PRKCB: variants seen among roughly 807,000 people sequenced by gnomAD.
PRKCB encodes the protein protein kinase C beta type.
A neutral mutation model predicts 81.5 loss-of-function variants in PRKCB; 13 were observed. That is an observed-to-expected ratio of 0.16 (90% CI 0.10 to 0.25). The LOEUF (loss-of-function observed/expected upper bound fraction) is 0.25. Among genes scored for constraint, PRKCB ranks in the 10% least tolerant of loss-of-function variants. The pLI is 1.00. For synonymous variants in PRKCB, 335 were observed against 321.4 expected, an observed-to-expected ratio of 1.04 and a Z score of -0.45; for missense variants, 509 against 875.7, an observed-to-expected ratio of 0.58 and a Z score of 5.29.
intron 9 of PRKCB, among the ~76,000 whole-genome samples, chr16:24,148,859 T>G (rs957557473): frequency 5.3e-5 from 8 of 152,210 alleles, no homozygotes; most frequent in African/African-American, 1.9e-4. Flanking sequence ...CCTATAATAT[T>G]TCCTGCTTGG....
Position 24,218,078 on chromosome 16 carries a change from C to G in PRKCB, c.*3262C>G. On this transcript the variant is annotated 3_prime_UTR_variant, in exon 17 of 17. Transcript: ENST00000643927. Reference sequence around the variant, plus strand: ...ACTGTGTGCCAGGCACTATTCTTAGCACTGGAAATACACTAGTGAAGAAGC... The same window carrying G: ...ACTGTGTGCCAGGCACTATTCTTAGGACTGGAAATACACTAGTGAAGAAGC... The G allele has an allele frequency of 1.0e-6, 1 of 985,024 alleles. No individual in the cohort carries two copies. The highest frequency in any genetic ancestry group is 1.2e-6 in the Non-Finnish European group (1 of 829,636). 61.0% of individuals were successfully genotyped at this position (985,024 alleles called of 1,614,324 possible).
At chr16:24,075,716 G>C (rs1596538059) in intron 5 of PRKCB, among the ~76,000 whole-genome samples, 2 of 152,206 alleles carry the variant, frequency 1.3e-5, no homozygotes, top group East Asian at 3.8e-4. Context: ...TAGTTGCAAG[G>C]AAGTGGGTCA....
intron 2 of PRKCB, among the ~76,000 whole-genome samples, chr16:23,926,738 A>G (rs1275305692): frequency 6.6e-6 from 1 of 151,570 alleles, no homozygotes; most frequent in African/African-American, 2.4e-5. Context: ...GCTTAAGTTG[A>G]TTCCATATCT....
At chr16:24,191,036 T>G (rs1226086087) in intron 15 of PRKCB, 54 bp from the exon 16 acceptor site, 1 of 1,578,786 alleles carries the variant, frequency 6.3e-7, no homozygotes, top group Middle Eastern at 1.7e-4. Context: ...TCTGAGTGTC[T>G]TACATTTCCT....
At chr16:23,849,356 C>T (rs969638836) in intron 2 of PRKCB, among the ~76,000 whole-genome samples, 4 of 152,064 alleles carry the variant, frequency 2.6e-5, no homozygotes, top group African/African-American at 9.7e-5. Flanking sequence ...GAAGGACGGT[C>T]GCTTGTCTCA....
At chr16:24,030,823 A>G (rs529201027) in intron 3 of PRKCB, among the ~76,000 whole-genome samples, 2 of 151,986 alleles carry the variant, frequency 1.3e-5, no homozygotes, top group East Asian at 1.9e-4. Flanking sequence ...ACTTGAACCC[A>G]GGAGACAGAG....
At chr16:24,160,837 C>T (rs1002440334) in intron 10 of PRKCB, among the ~76,000 whole-genome samples, 6 of 151,988 alleles carry the variant, frequency 3.9e-5, no homozygotes, top group Non-Finnish European at 7.4e-5. Context: ...AGCAAGGGAG[C>T]GGGGCATGTG....
chr16:24,138,287 G>C (rs373175821), intron 9 of PRKCB, among the ~76,000 whole-genome samples: 13 of 152,298 alleles, frequency 8.5e-5, no homozygotes, highest in Admixed American at 3.3e-4. Flanking sequence ...AACAACAAAG[G>C]GGGGCAGTGC....
At chr16:23,913,038 C>T (rs1039959929) in intron 2 of PRKCB, among the ~76,000 whole-genome samples, 6 of 152,014 alleles carry the variant, frequency 3.9e-5, no homozygotes, top group Admixed American at 6.6e-5. Context: ...TGGGCTTAAG[C>T]GATCTGCCCA....
At chr16:24,101,260 C>T (rs138886018) in intron 7 of PRKCB, among the ~76,000 whole-genome samples, 193 of 152,248 alleles carry the variant, frequency 1.3e-3, no homozygotes, top group Non-Finnish European at 1.9e-3. Flanking sequence ...TAAAGTTAAA[C>T]GAATGGCCAG....
rs114260819 is a variant in PRKCB at position 23,898,477 on chromosome 16, G to A, written c.205+61071G>A. Among the ~76,000 whole-genome samples the A allele has an allele frequency of 8.7e-3, 1,322 of 152,132 alleles. 28 individuals are homozygous for A. Among genetic ancestry groups the A allele is most frequent in the African/African-American group, 0.03 (1,259 of 41,504 alleles). On this transcript the variant is annotated intron_variant, in intron 2 of 16. Transcript: ENST00000643927. ...CCATCATAGAGCTTGCCATCTAGTA[G>A]GGAGACAGACAAGCAAATAATTACA...
chr16:23,866,995 C>CCCCT (rs1555479952), intron 2 of PRKCB, among the ~76,000 whole-genome samples: 4 of 71,636 alleles, frequency 5.6e-5, no homozygotes, highest in African/African-American at 2.2e-4. Context: ...TCCCTTCCTT[C>CCCCT]CCTTCCTTCC....
intron 2 of PRKCB, among the ~76,000 whole-genome samples, chr16:23,981,349 C>T (rs980726486): frequency 6.6e-6 from 1 of 151,996 alleles, no homozygotes; most frequent in Non-Finnish European, 1.5e-5. Flanking sequence ...CTATAAGGAC[C>T]CCTGTGATCA....
intron 2 of PRKCB, among the ~76,000 whole-genome samples, chr16:23,922,231 G>C (rs1963835877): frequency 6.6e-6 from 1 of 152,204 alleles, no homozygotes; most frequent in African/African-American, 2.4e-5. Context: ...AATGAGTGAA[G>C]TGGGTGGGTA....
chr16:24,101,411 C>A (rs149439595), intron 7 of PRKCB, among the ~76,000 whole-genome samples: 1 of 152,284 alleles, frequency 6.6e-6, no homozygotes, highest in South Asian at 2.1e-4. Flanking sequence ...TGGCGGCATG[C>A]ACCTGTGCTC....
chr16:23,868,302 TA>T lies in PRKCB; in HGVS notation c.205+30900del, dbSNP rs558325491. Among the ~76,000 whole-genome samples the T allele has an allele frequency of 2.0e-5, 3 of 152,274 alleles. No individual in the cohort carries two copies. The South Asian group carries it at 6.2e-4, about 32-fold the overall frequency. The stretch of plus-strand genomic sequence containing the variant: ...GTTTTGCAGAATGGGAAGCAAAAAA[TA>T]AAACTCAGACTTAGACAGCTGGCAT... On this transcript the variant is annotated intron_variant, in intron 2 of 16. Transcript: ENST00000643927.
intron 16 of PRKCB, among the ~76,000 whole-genome samples, chr16:24,214,208 A>T (rs892904978): frequency 2.0e-5 from 3 of 152,182 alleles, no homozygotes; most frequent in Non-Finnish European, 4.4e-5. Flanking sequence ...TGCTGCTATA[A>T]ATACTGGGAT....
chr16:23,998,730 A>G (rs1489864231), intron 3 of PRKCB, among the ~76,000 whole-genome samples: 1 of 152,244 alleles, frequency 6.6e-6, no homozygotes, highest in East Asian at 1.9e-4. Context: ...GATGATGACA[A>G]TGACAATGAA....
In PRKCB at chr16:24,173,364, T is replaced by C. The variant is rs141112172; in HGVS notation, c.1331+1003T>C. 3.8e-4 allele frequency among the ~76,000 whole-genome samples: 58 copies of C among 152,208 alleles called. 2 individuals carry two copies. The East Asian group carries it at 0.01, about 26-fold the overall frequency. On this transcript the variant is annotated intron_variant, in intron 11 of 16. Transcript: ENST00000643927. ...ACCTCTCCTGGGGAGTTTTCTAAGATCTTATTGCCTCTCCAGAGAGCCCCC... is the reference window on the plus strand; with the variant it reads ...ACCTCTCCTGGGGAGTTTTCTAAGACCTTATTGCCTCTCCAGAGAGCCCCC...
Sources: gnomAD v4.1 joint callset for allele counts (sites outside exome capture counted in the v4.1 genomes callset) on GRCh38, gnomAD v4.1.1 for gene constraint, MANE v1.5 for transcripts, NCBI Gene and HGNC (gene_info 2026-07-23, HGNC 2026-07-21) for gene names.